The following DPY19L3 variants were observed in gnomAD, a reference collection of about 807,000 sequenced individuals.
The protein encoded by DPY19L3 is protein C-mannosyl-transferase DPY19L3.
A neutral mutation model predicts 92.3 loss-of-function variants in DPY19L3; 51 were observed. That is an observed-to-expected ratio of 0.55 (90% CI 0.44 to 0.70). The LOEUF (loss-of-function observed/expected upper bound fraction) is 0.70. DPY19L3 is among the 30% of genes least tolerant of loss of function. The probability of loss-of-function intolerance (pLI) is 0.00; values close to 1 mark genes in which losing one functional copy is unlikely to be tolerated. For missense variants in DPY19L3, 706 were observed against 855.9 expected (o/e 0.82, Z 2.18); for synonymous variants, 309 against 315.2 (o/e 0.98, Z 0.21).
intron 8 of DPY19L3, among the ~76,000 whole-genome samples, chr19:32,443,412 A>G (rs1428590555): frequency 6.6e-6 from 1 of 152,136 alleles, no homozygotes; most frequent in Non-Finnish European, 1.5e-5. Flanking sequence ...AGGTGATTGT[A>G]TTAGGAGGTA....
At position 32,439,875 on chromosome 19, in the gene DPY19L3, A is replaced by C; in HGVS notation, c.820A>C (p.Thr274Pro). The C allele has an allele frequency of 6.2e-7, 1 of 1,613,864 alleles. No individual in the cohort carries two copies. The highest frequency in any genetic ancestry group is 8.5e-7 in the Non-Finnish European group (1 of 1,179,832). The change falls in exon 8 of 19, where the codon ACA becomes CCA. Residue 274 changes from threonine (T) to proline (P), a missense_variant. Transcript: ENST00000392250. ...MMLMQALVLF[T>P]LDSLDMLPAV... ...GCTGATGCAAGCATTAGTGCTGTTC[A>C]CACTGGACTCCCTGGACATGCTGCC...
At chr19:32,459,897 T>C (rs541552914) in intron 12 of DPY19L3, among the ~76,000 whole-genome samples, 2 of 152,290 alleles carry the variant, frequency 1.3e-5, no homozygotes, top group South Asian at 4.1e-4. Context: ...TTCTGAGAAA[T>C]GCATATTAGG....
chr19:32,447,807 A>ATAGT (rs769670106), intron 8 of DPY19L3, among the ~76,000 whole-genome samples: 1 of 108,808 alleles, frequency 9.2e-6, no homozygotes. Flanking sequence ...TCATTCATAG[A>ATAGT]TAGATAGATT....
At chr19:32,422,019 G>A (rs1968587876) in intron 3 of DPY19L3, among the ~76,000 whole-genome samples, 1 of 152,198 alleles carries the variant, frequency 6.6e-6, no homozygotes. Flanking sequence ...AATTCTTGCT[G>A]ACCTGAGCTG....
At chr19:32,413,900 AT>A in intron 3 of DPY19L3, among the ~76,000 whole-genome samples, 1 of 151,950 alleles carries the variant, frequency 6.6e-6, no homozygotes, top group Non-Finnish European at 1.5e-5. Flanking sequence ...TAATTATTTA[AT>A]TTTTTGTAGA....
In DPY19L3 at chr19:32,436,553, G is replaced by A. The variant is rs1343848493; in HGVS notation, c.436G>A (p.Val146Ile). Residue 146 changes from valine (V) to isoleucine (I), a missense_variant, in exon 5 of 19, where the codon GTT becomes ATT. Coordinates refer to ENST00000392250, the MANE Select transcript of DPY19L3 (RefSeq NM_001172774.2). ...GGTTTTTCTCAGTATTTTATATAGA[G>A]TTCTACCCATACAGGTATGTTTTGT... ...QEVFLSILYR[V>I]LPIQKYLEPV... is the part of the protein sequence containing the mutation. 5.2e-6 allele frequency: 8 copies of A among 1,548,304 alleles called. No homozygotes were observed. The highest frequency in any genetic ancestry group is 1.7e-4 in the Middle Eastern group (1 of 5,800).
At chr19:32,451,898 G>A (rs540299652) in intron 8 of DPY19L3, among the ~76,000 whole-genome samples, 5 of 151,936 alleles carry the variant, frequency 3.3e-5, no homozygotes, top group South Asian at 2.1e-4. Context: ...GGAGTGGAGC[G>A]ATCATAGCTT....
chr19:32,482,147 G>A lies in DPY19L3; in HGVS notation c.2058G>A (p.Glu686=). 6.2e-7 allele frequency: 1 copy of A among 1,613,862 alleles called. No homozygotes were observed. The highest frequency in any genetic ancestry group is 8.5e-7 in the Non-Finnish European group (1 of 1,179,846). The stretch of plus-strand genomic sequence containing the variant: ...CAGACCACCCTCGCTTCTGTGAAGA[G>A]ATCAAAAGAAACCTGCCTCCCTACG... The part of the protein sequence containing the change: ...KPADHPRFCE[E]IKRNLPPYVA... The change falls in exon 19 of 19, where the codon GAG becomes GAA. Residue 686 remains glutamate, a synonymous_variant. Coordinates refer to ENST00000392250, the MANE Select transcript of DPY19L3 (RefSeq NM_001172774.2).
In DPY19L3 at chr19:32,435,895, CTCTGGTCTGCCCCCAACA is replaced by C. The variant is rs1290874836; in HGVS notation, c.329-546_329-529del. On this transcript the variant is annotated intron_variant, in intron 4 of 18. Transcript: ENST00000392250. ...CATGTCTGCTGTGAGGGAGCTGCAG[CTCTGGTCTGCCCCCAACA>C]TCTGCGCATTCAAGCCCTATTTGGA... 4.6e-5 allele frequency among the ~76,000 whole-genome samples: 7 copies of C among 152,208 alleles called. 1 individual carries two copies. The highest frequency in any genetic ancestry group is 1.7e-4 in the African/African-American group (7 of 41,450).
intron 1 of DPY19L3, among the ~76,000 whole-genome samples, chr19:32,406,729 G>A (rs1440927995): frequency 2.0e-5 from 3 of 152,176 alleles, no homozygotes; most frequent in Non-Finnish European, 4.4e-5. Flanking sequence ...TGATCTGATG[G>A]AGGAACTTTT....
intron 16 of DPY19L3, among the ~76,000 whole-genome samples, chr19:32,469,519 AAG>A (rs1017095305): frequency 5.3e-5 from 8 of 151,294 alleles, no homozygotes; most frequent in African/African-American, 9.8e-5. Context: ...AGAAAGAAAA[AAG>A]AAAAAATATT....
At chr19:32,414,067 G>A (rs896307748) in intron 3 of DPY19L3, among the ~76,000 whole-genome samples, 7 of 152,010 alleles carry the variant, frequency 4.6e-5, no homozygotes, top group African/African-American at 1.7e-4. Context: ...TGGATCACTT[G>A]AGGTCAGGAG....
chr19:32,463,195 C>T (rs1347563085), intron 12 of DPY19L3, among the ~76,000 whole-genome samples, 171 bp from the exon 13 acceptor site: 2 of 151,866 alleles, frequency 1.3e-5, no homozygotes, highest in Non-Finnish European at 2.9e-5. Context: ...TATATTGTTA[C>T]ACTTTAGCCT....
chr19:32,446,129 G>T (rs1969491584), intron 8 of DPY19L3, among the ~76,000 whole-genome samples: 1 of 152,094 alleles, frequency 6.6e-6, no homozygotes, highest in African/African-American at 2.4e-5. Context: ...TGGAGGTTAG[G>T]GTTCTATGCC....
At chr19:32,426,071 G>A (rs1968751639) in intron 3 of DPY19L3, among the ~76,000 whole-genome samples, 2 of 152,188 alleles carry the variant, frequency 1.3e-5, no homozygotes, top group African/African-American at 2.4e-5. Flanking sequence ...TGGATCTTCT[G>A]GATGACTTGC....
rs531268419 is a variant in DPY19L3 at position 32,456,132 on chromosome 19, C to T, written c.1089+1092C>T. ...GGTCTCTCACCCAGACTGGAATGCA[C>T]TGGTGTGGTCATGGCTCACTGCAGC... On this transcript the variant is annotated intron_variant, in intron 10 of 18. Coordinates refer to ENST00000392250, the MANE Select transcript of DPY19L3 (RefSeq NM_001172774.2). Among the ~76,000 whole-genome samples the T allele has an allele frequency of 1.4e-4, 18 of 130,870 alleles. No individual in the cohort carries two copies. The East Asian group carries it at 4.3e-3, about 31-fold the overall frequency. 85.9% of individuals were successfully genotyped at this position (130,870 alleles called of 152,430 possible). A position where few individuals can be genotyped will look rare whatever the true frequency, so the allele number is the denominator to read the frequency against.
In DPY19L3 at chr19:32,456,336, A is replaced by G. The variant is rs146254687; in HGVS notation, c.1089+1296A>G. Reference sequence around the variant, plus strand: ...GCAGTCCACCTGCCTTGGCCTCCCAAAGGATTGTAGGCGTGAACCACCATG... The same window carrying G: ...GCAGTCCACCTGCCTTGGCCTCCCAGAGGATTGTAGGCGTGAACCACCATG... On this transcript the variant is annotated intron_variant, in intron 10 of 18. Transcript: ENST00000392250. Among the ~76,000 whole-genome samples the G allele has an allele frequency of 8.3e-4, 124 of 150,220 alleles. No individual in the cohort carries two copies. In the East Asian group the frequency reaches 0.023, roughly 27 times the overall value.
At chr19:32,406,050 G>T (rs1417877264) in intron 1 of DPY19L3, 141 bp downstream of exon 1, 1 of 151,324 alleles carries the variant, frequency 6.6e-6, no homozygotes, top group African/African-American at 2.4e-5. Context: ...CGCGGCCGCG[G>T]CGTCGGGGCG....
At chr19:32,451,410 T>G (rs2145555307) in intron 8 of DPY19L3, among the ~76,000 whole-genome samples, 1 of 152,262 alleles carries the variant, frequency 6.6e-6, no homozygotes, top group South Asian at 2.1e-4. Context: ...TCTCCTAGAG[T>G]AAGATACATT....
Sources: allele counts gnomAD v4.1 joint callset (sites outside exome capture counted in the v4.1 genomes callset), GRCh38; gene constraint gnomAD v4.1.1; transcripts MANE v1.5; gene names NCBI Gene and HGNC (gene_info 2026-07-23, HGNC 2026-07-21).